The following FLRT1 variants were observed in gnomAD, a reference collection of about 807,000 sequenced individuals.
FLRT1 encodes leucine-rich repeat transmembrane protein FLRT1.
Under a neutral mutation model 30.9 loss-of-function variants are expected in FLRT1, and 14 were observed. That is an observed-to-expected ratio of 0.45 (90% confidence interval 0.30 to 0.71). The LOEUF (loss-of-function observed/expected upper bound fraction) is 0.71. Among genes scored for constraint, FLRT1 ranks in the 30% least tolerant of loss-of-function variants. The pLI is 0.08. For missense variants in FLRT1, 737 were observed against 949.2 expected (o/e 0.78, Z 2.94); for synonymous variants, 368 against 430.4 (o/e 0.85, Z 1.80).
intron 2 of FLRT1, among the ~76,000 whole-genome samples, chr11:64,108,996 A>G (rs937724426): frequency 6.6e-6 from 1 of 152,156 alleles, no homozygotes; most frequent in Non-Finnish European, 1.5e-5. Context: ...AGACGTGACC[A>G]GCATCCATGC....
At chr11:64,074,631 A>AG (rs915178287) in intron 1 of FLRT1, among the ~76,000 whole-genome samples, 72 of 152,292 alleles carry the variant, frequency 4.7e-4, no homozygotes, top group African/African-American at 6.7e-4. Flanking sequence ...GCTTTCCCCA[A>AG]GGGGGGCTGT....
At chr11:64,091,692 G>A (rs1202443723) in intron 1 of FLRT1, among the ~76,000 whole-genome samples, 1 of 152,324 alleles carries the variant, frequency 6.6e-6, no homozygotes, top group African/African-American at 2.4e-5. Flanking sequence ...CACAGCTGCT[G>A]AAGTTGCACG....
intron 1 of FLRT1, among the ~76,000 whole-genome samples, chr11:64,065,587 A>C (rs1021989766): frequency 6.6e-6 from 1 of 151,728 alleles, no homozygotes; most frequent in African/African-American, 2.4e-5. Context: ...CAGGAGATCA[A>C]GACCATCCTG....
intron 2 of FLRT1, among the ~76,000 whole-genome samples, chr11:64,105,423 G>C (rs1384923807): frequency 6.6e-6 from 1 of 152,214 alleles, no homozygotes; most frequent in East Asian, 1.9e-4. Context: ...CCTGGGTTGG[G>C]GCCTGGCCCT....
At chr11:64,065,720 G>A (rs561925070) in intron 1 of FLRT1, among the ~76,000 whole-genome samples, 4 of 151,256 alleles carry the variant, frequency 2.6e-5, no homozygotes, top group Non-Finnish European at 5.9e-5. Flanking sequence ...AACCCGGGAG[G>A]CGGAGCTTGC....
chr11:64,045,655 C>A (rs997711708), intron 1 of FLRT1, among the ~76,000 whole-genome samples: 5 of 152,192 alleles, frequency 3.3e-5, no homozygotes, highest in African/African-American at 9.7e-5. Flanking sequence ...GAGACTGCTC[C>A]TGGGGTCTCA....
At chr11:64,105,115 C>G (rs1425509183) in intron 2 of FLRT1, among the ~76,000 whole-genome samples, 6 of 152,228 alleles carry the variant, frequency 3.9e-5, no homozygotes, top group Non-Finnish European at 8.8e-5. Flanking sequence ...TTATTAGCCA[C>G]CGGTGTGAAA....
chr11:64,052,182 G>A (rs758953730), intron 1 of FLRT1, among the ~76,000 whole-genome samples: 9 of 152,010 alleles, frequency 5.9e-5, no homozygotes, highest in South Asian at 2.1e-4. Context: ...CCAGAGCCCC[G>A]GTGCCAAACC....
chr11:64,056,512 G>A (rs1053556033), intron 1 of FLRT1, among the ~76,000 whole-genome samples: 1 of 152,212 alleles, frequency 6.6e-6, no homozygotes, highest in African/African-American at 2.4e-5. Flanking sequence ...ACGGAGAGAC[G>A]GAGCCTGGGT....
chr11:64,072,470 G>C (rs775376242), intron 1 of FLRT1, among the ~76,000 whole-genome samples: 1 of 152,054 alleles, frequency 6.6e-6, no homozygotes, highest in South Asian at 2.1e-4. Context: ...AATATGAAAC[G>C]TACATGTGGC....
intron 1 of FLRT1, chr11:64,086,896 C>T (rs964721268): frequency 1.3e-5 from 2 of 152,190 alleles, no homozygotes; most frequent in African/African-American, 4.8e-5. Flanking sequence ...GCCCGCTAGC[C>T]CTTCCCTGTC....
intron 1 of FLRT1, among the ~76,000 whole-genome samples, chr11:64,093,655 T>C (rs1008939343): frequency 6.6e-6 from 1 of 152,246 alleles, no homozygotes; most frequent in Non-Finnish European, 1.5e-5. Context: ...GACTGCCCTC[T>C]TCCCTGGACA....
intron 1 of FLRT1, among the ~76,000 whole-genome samples, chr11:64,038,617 T>G (rs1362540371): frequency 6.6e-6 from 1 of 152,158 alleles, no homozygotes; most frequent in Non-Finnish European, 1.5e-5. Context: ...GTCATGGGGC[T>G]AGCAGCCCCC....
In FLRT1 at chr11:64,118,624, G is replaced by A. The variant is rs984489335; in HGVS notation, c.*332G>A. 4.0e-6 allele frequency: 1 copy of A among 252,522 alleles called. No individual in the cohort carries two copies. Among genetic ancestry groups the A allele is most frequent in the Non-Finnish European group, 8.2e-6 (1 of 121,462 alleles). 15.6% of individuals were successfully genotyped at this position (252,522 alleles called of 1,614,324 possible). ...TTTTTTTTCCCCCCTGAACTGGAAG[G>A]ATACTACCTGTACAACATCTGTGGA... On this transcript the variant is annotated 3_prime_UTR_variant, in exon 3 of 3. Transcript: ENST00000682287.
At chr11:64,069,355 G>C (rs147210433) in intron 1 of FLRT1, among the ~76,000 whole-genome samples, 1,799 of 152,346 alleles carry the variant, frequency 0.012, 24 homozygotes, top group South Asian at 0.052. Flanking sequence ...GGCTGCCAGA[G>C]GATGGGGGTC....
intron 2 of FLRT1, among the ~76,000 whole-genome samples, chr11:64,109,739 C>T (rs560258604): frequency 6.6e-6 from 1 of 152,132 alleles, no homozygotes; most frequent in African/African-American, 2.4e-5. Context: ...CAGCTCTGTG[C>T]GGCCCAGACA....
intron 1 of FLRT1, among the ~76,000 whole-genome samples, chr11:64,061,757 T>C (rs974187571): frequency 1.3e-5 from 2 of 151,136 alleles, no homozygotes; most frequent in African/African-American, 4.9e-5. Flanking sequence ...TGGAGTGCAA[T>C]GGCACGATCA....
intron 1 of FLRT1, among the ~76,000 whole-genome samples, chr11:64,085,590 G>T (rs576526939): frequency 1.3e-5 from 2 of 152,200 alleles, no homozygotes; most frequent in African/African-American, 2.4e-5. Context: ...ACCCCAGGCC[G>T]CAGCGTGGGC....
At chr11:64,053,964 G>A (rs1204673623) in intron 1 of FLRT1, among the ~76,000 whole-genome samples, 4 of 152,062 alleles carry the variant, frequency 2.6e-5, no homozygotes, top group African/African-American at 7.2e-5. Context: ...CTGTTCCTGC[G>A]TTCCAGCACC....
Sources: allele counts gnomAD v4.1 joint callset (sites outside exome capture counted in the v4.1 genomes callset), GRCh38; gene constraint gnomAD v4.1.1; transcripts MANE v1.5; gene names NCBI Gene and HGNC (gene_info 2026-07-23, HGNC 2026-07-21).